The following APOO variants were observed in gnomAD, a reference collection of about 807,000 sequenced individuals.
The protein encoded by APOO is MICOS complex subunit MIC26.
A neutral mutation model predicts 23.1 loss-of-function variants in APOO; 11 were observed. The ratio of observed to expected loss-of-function variants is 0.48; its 90% CI spans 0.30 to 0.79. The LOEUF is 0.79. Among genes scored for constraint, APOO ranks in the 30% least tolerant of loss-of-function variants. APOO has a pLI of 0.07. For synonymous variants in APOO, 59 were observed against 54.8 expected, an observed-to-expected ratio of 1.08 and a Z score of -0.34; for missense variants, 160 against 142.7, an observed-to-expected ratio of 1.12 and a Z score of -0.62.
chrX:23,877,553 C>T (rs919330055), intron 3 of APOO, among the ~76,000 whole-genome samples: 2 of 111,456 alleles, frequency 1.8e-5, no homozygotes, highest in Non-Finnish European at 3.8e-5. Flanking sequence ...GTGGACAGAT[C>T]ACTTGAGGTC....
chrX:23,847,409 G>A (rs780398635), intron 7 of APOO, among the ~76,000 whole-genome samples: 32 of 110,431 alleles, frequency 2.9e-4, no homozygotes, highest in African/African-American at 9.5e-4. Context: ...GGCGGATCAC[G>A]AGGTCAGGAG....
intron 1 of APOO, among the ~76,000 whole-genome samples, chrX:23,889,807 A>G (rs757163033): frequency 1.8e-4 from 20 of 109,112 alleles, no homozygotes; most frequent in African/African-American, 3.0e-4. Context: ...GACTACAGGC[A>G]CCAGCCACCA....
intron 4 of APOO, among the ~76,000 whole-genome samples, chrX:23,873,543 G>T (rs1415157715): frequency 3.7e-5 from 4 of 108,937 alleles, no homozygotes; most frequent in African/African-American, 1.3e-4. Context: ...AGAGACAAAG[G>T]TATCAGTGAG....
chrX:23,846,892 C>T (rs1031297962), intron 7 of APOO, among the ~76,000 whole-genome samples: 1 of 111,393 alleles, frequency 9.0e-6, no homozygotes, highest in Non-Finnish European at 1.9e-5. Flanking sequence ...TTCTTCTGAT[C>T]ATCAAGACAC....
At chrX:23,835,123 G>A (rs1923597708) in intron 8 of APOO, among the ~76,000 whole-genome samples, 1 of 104,224 alleles carries the variant, frequency 9.6e-6, no homozygotes, top group East Asian at 3.0e-4. Context: ...GTACAGTGGC[G>A]TCCTCTCGGT....
Position 23,834,925 on chromosome X carries a change from G to A in APOO, c.*30-1313C>T, listed in dbSNP as rs1923584953. Among the ~76,000 whole-genome samples the A allele has an allele frequency of 4.6e-5, 5 of 109,272 alleles. No homozygotes were observed. The South Asian group carries it at 1.9e-3, about 43-fold the overall frequency. 94.9% of individuals were successfully genotyped at this position (109,272 alleles called of 115,157 possible). A position where few individuals can be genotyped will look rare whatever the true frequency, so the allele number is the denominator to read the frequency against. On this transcript the variant is annotated intron_variant, in intron 8 of 8. Coordinates refer to ENST00000379226, the MANE Select transcript of APOO (RefSeq NM_024122.5). ...TTTGGTAGAGACAGGGTTTCACCAT[G>A]TTGGCCAGGCTGGTCTCGAACTCCT...
At chrX:23,888,763 T>C (rs750441175) in intron 1 of APOO, among the ~76,000 whole-genome samples, 24 of 102,210 alleles carry the variant, frequency 2.3e-4, no homozygotes, top group Admixed American at 1.0e-3. Context: ...GGCAAGAGAA[T>C]CGTTTGAACC....
At chrX:23,886,490 T>A (rs959888192) in intron 1 of APOO, among the ~76,000 whole-genome samples, 1 of 111,594 alleles carries the variant, frequency 9.0e-6, no homozygotes, top group Non-Finnish European at 1.9e-5. Flanking sequence ...TTAGACTTTT[T>A]AAAAAATCCA....
chrX:23,904,246 C>T (rs1315187020), intron 1 of APOO, among the ~76,000 whole-genome samples: 2 of 111,099 alleles, frequency 1.8e-5, no homozygotes, highest in Admixed American at 9.7e-5. Flanking sequence ...GATTAAGTGA[C>T]GCCACCCTGG....
intron 1 of APOO, among the ~76,000 whole-genome samples, chrX:23,904,532 G>A (rs1447565434): frequency 1.0e-5 from 1 of 97,104 alleles, no homozygotes; most frequent in African/African-American, 3.8e-5. Flanking sequence ...TTTTTGGGAC[G>A]GAGTCTCGCT....
rs60466764 is a variant in APOO at position 23,881,563 on chromosome X, TAAAAAAAAAAAAA to T, written c.10-624_10-612del. Among the ~76,000 whole-genome samples the T allele has an allele frequency of 5.6e-3, 51 of 9,185 alleles. 1 individual carries two copies. The highest frequency in any genetic ancestry group is 0.028 in the African/African-American group (47 of 1,687). 8.0% of individuals were successfully genotyped at this position (9,185 alleles called of 115,157 possible). A position where few individuals can be genotyped will look rare whatever the true frequency, so the allele number is the denominator to read the frequency against. On this transcript the variant is annotated intron_variant, in intron 1 of 8. Coordinates refer to ENST00000379226, the MANE Select transcript of APOO (RefSeq NM_024122.5). ...CACACACACAAAATAATCGCTCCAC[TAAAAAAAAAAAAA>T]AAAAAAAAAAAAAAAAAAGATGGGC...
intron 1 of APOO, among the ~76,000 whole-genome samples, chrX:23,906,285 C>T (rs1435247857): frequency 1.8e-5 from 2 of 112,703 alleles, no homozygotes; most frequent in African/African-American, 6.4e-5. Flanking sequence ...GATTTGTTAC[C>T]CAACAATAGA....
At chrX:23,850,159 T>C (rs906139740) in intron 7 of APOO, among the ~76,000 whole-genome samples, 2 of 112,321 alleles carry the variant, frequency 1.8e-5, no homozygotes, top group East Asian at 2.8e-4. Flanking sequence ...CTCGTGTGTA[T>C]GAACACCATG....
intron 7 of APOO, among the ~76,000 whole-genome samples, chrX:23,848,031 C>A (rs1395340763): frequency 3.7e-5 from 4 of 108,361 alleles, no homozygotes; most frequent in African/African-American, 1.3e-4. Context: ...CATGTGCCAC[C>A]ACGCCCAATT....
intron 7 of APOO, among the ~76,000 whole-genome samples, chrX:23,845,142 G>C (rs1924173620): frequency 8.9e-6 from 1 of 111,837 alleles, no homozygotes; most frequent in Non-Finnish European, 1.9e-5. Flanking sequence ...TACCAAGAGT[G>C]CATTCCTTTC....
At chrX:23,879,899 T>G (rs924926996) in intron 2 of APOO, among the ~76,000 whole-genome samples, 1 of 111,209 alleles carries the variant, frequency 9.0e-6, no homozygotes, top group African/African-American at 3.3e-5. Context: ...AAAGATAAGC[T>G]AATTAGCTTT....
intron 1 of APOO, among the ~76,000 whole-genome samples, chrX:23,899,005 G>A (rs1927021732): frequency 8.9e-6 from 1 of 112,225 alleles, no homozygotes; most frequent in African/African-American, 3.2e-5. Flanking sequence ...AGGAATATCT[G>A]AAAAAAGAAA....
rs773397790 is a variant in APOO at position 23,895,992 on chromosome X, G to A, written c.9+11702C>T. Among the ~76,000 whole-genome samples, 9 of 110,852 alleles carry A rather than the reference G, an allele frequency of 8.1e-5. No homozygotes were observed. In the East Asian group the frequency reaches 2.0e-3, roughly 24 times the overall value. ...CGGAGTCTAAAAAGATGTTAGGGCCGGGCGCAGTGGCTCATGCCTGTAATC... is the reference window on the plus strand; with the variant it reads ...CGGAGTCTAAAAAGATGTTAGGGCCAGGCGCAGTGGCTCATGCCTGTAATC... On this transcript the variant is annotated intron_variant, in intron 1 of 8. Transcript: ENST00000379226.
rs1471539442 is a variant in APOO, at chrX:23,842,988, A to C, written c.562-2611T>G. 2.7e-5 allele frequency among the ~76,000 whole-genome samples: 3 copies of C among 112,155 alleles called. No individual in the cohort carries two copies. The Admixed American group carries it at 2.9e-4, about 11-fold the overall frequency. On this transcript the variant is annotated intron_variant, in intron 7 of 8. Coordinates refer to ENST00000379226, the MANE Select transcript of APOO (RefSeq NM_024122.5). ...ACGCCATTGCACTCCAGCCTGGGCA[A>C]CAAGAGTGAAACTCCATCTCAAAAA...
Sources: gnomAD v4.1 joint callset for allele counts (sites outside exome capture counted in the v4.1 genomes callset) on GRCh38, gnomAD v4.1.1 for gene constraint, MANE v1.5 for transcripts, NCBI Gene and HGNC (gene_info 2026-07-23, HGNC 2026-07-21) for gene names.